Variants in SPRY3 observed in about 807,000 individuals in gnomAD.
SPRY3 encodes the protein sprouty RTK signaling antagonist 3, also known as protein sprouty homolog 3.
A neutral mutation model predicts 20.2 loss-of-function variants in SPRY3; 15 were observed. The ratio of observed to expected loss-of-function variants is 0.74; its 90% CI spans 0.50 to 1.14. The LOEUF (loss-of-function observed/expected upper bound fraction) is 1.14. SPRY3 is among the 50% of genes most tolerant of loss of function. The probability of loss-of-function intolerance (pLI) is 0.00; values close to 1 mark genes in which losing one functional copy is unlikely to be tolerated. For missense variants in SPRY3, 364 were observed against 363.9 expected (o/e 1.00, Z 0.00); for synonymous variants, 143 against 136.5 (o/e 1.05, Z -0.33).
intron 2 of SPRY3, among the ~76,000 whole-genome samples, chrX:155,711,217 G>C (rs763433639): frequency 6.6e-6 from 1 of 151,638 alleles, no homozygotes; most frequent in African/African-American, 2.4e-5. Flanking sequence ...TTTTAAAATA[G>C]TTTGAGTAGG....
chrX:155,661,477 G>A (rs2068009670), intron 2 of SPRY3, among the ~76,000 whole-genome samples: 1 of 111,226 alleles, frequency 9.0e-6, no homozygotes, highest in South Asian at 3.7e-4. Context: ...CTTTCACTTT[G>A]ACTTTGGCTA....
chrX:155,740,694 G>A lies in SPRY3; in HGVS notation c.-281-27268G>A, dbSNP rs754260861. On this transcript the variant is annotated intron_variant, in intron 2 of 3. Transcript: ENST00000675360. ...AAGATGTTTATCAAGACAATAATAC[G>A]TGCACAGCTGAACATAGACCCTTAT... Among the ~76,000 whole-genome samples, 9 of 152,206 alleles carry A rather than the reference G, an allele frequency of 5.9e-5. No individual in the cohort carries two copies. The South Asian group carries it at 6.2e-4, about 11-fold the overall frequency.
At chrX:155,767,720 A>AAGGAGGAGGAGGAGAG (rs2091345512) in intron 2 of SPRY3, 4 of 64,458 alleles carry the variant, frequency 6.2e-5, no homozygotes, top group African/African-American at 1.9e-4. Context: ...GAGGAGGAGA[A>AAGGAGGAGGAGGAGAG]AGAGGAGGAG....
chrX:155,757,828 A>G (rs1260354469), intron 2 of SPRY3, among the ~76,000 whole-genome samples: 2 of 152,180 alleles, frequency 1.3e-5, no homozygotes, highest in Non-Finnish European at 2.9e-5. Flanking sequence ...CAAATTTACT[A>G]GTAATTCCAA....
At chrX:155,723,400 CA>C (rs1337163719) in intron 2 of SPRY3, among the ~76,000 whole-genome samples, 3 of 152,160 alleles carry the variant, frequency 2.0e-5, no homozygotes, top group African/African-American at 7.2e-5. Flanking sequence ...CTCCCACCAA[CA>C]GTATAAAAGC....
chrX:155,721,516 C>T (rs2091057740), intron 2 of SPRY3, among the ~76,000 whole-genome samples: 1 of 151,762 alleles, frequency 6.6e-6, no homozygotes, highest in South Asian at 2.1e-4. Flanking sequence ...AATCAAACTC[C>T]CAAAGGTCAA....
At chrX:155,774,487 T>C (rs2091408367) in exon 4 of SPRY3, 1 of 1,614,016 alleles carries the variant, frequency 6.2e-7, no homozygotes, top group Non-Finnish European at 8.5e-7. Flanking sequence ...TGAAGACAAC[T>C]GTGCTGATGA....
chrX:155,679,040 C>T (rs189626042), intron 2 of SPRY3, among the ~76,000 whole-genome samples: 6 of 110,280 alleles, frequency 5.4e-5, no homozygotes. Context: ...CACACCAGGG[C>T]CTGTAGGGGC....
intron 1 of SPRY3, among the ~76,000 whole-genome samples, chrX:155,638,744 A>C (rs1005663682): frequency 1.2e-4 from 13 of 111,345 alleles, no homozygotes; most frequent in Non-Finnish European, 1.9e-5. Flanking sequence ...TCAATACGAT[A>C]GTGCTAGATA....
At chrX:155,665,244 A>G (rs2068021151) in intron 2 of SPRY3, among the ~76,000 whole-genome samples, 1 of 110,843 alleles carries the variant, frequency 9.0e-6, no homozygotes, top group African/African-American at 3.3e-5. Context: ...GGGAGAAATG[A>G]GGAGAAATAG....
At chrX:155,635,319 C>T (rs2067919791) in intron 1 of SPRY3, among the ~76,000 whole-genome samples, 1 of 111,137 alleles carries the variant, frequency 9.0e-6, no homozygotes, top group Admixed American at 9.5e-5. Context: ...CAAGTCTTTG[C>T]TATTGTGAAC....
intron 2 of SPRY3, among the ~76,000 whole-genome samples, chrX:155,674,090 T>C (rs2068052346): frequency 8.9e-6 from 1 of 111,738 alleles, no homozygotes; most frequent in Non-Finnish European, 1.9e-5. Context: ...CCAGAGTTAA[T>C]TTTGTACGGT....
At chrX:155,782,084 G>A in exon 2 of SPRY3, 1 of 167,102 alleles carries the variant, frequency 6.0e-6, no homozygotes, top group Middle Eastern at 3.4e-3. Flanking sequence ...TCATTCCCAA[G>A]GCTGGTCCTG....
intron 2 of SPRY3, among the ~76,000 whole-genome samples, chrX:155,732,223 A>T (rs926976104): frequency 5.3e-5 from 8 of 152,084 alleles, no homozygotes; most frequent in Non-Finnish European, 1.0e-4. Context: ...TTTTATTTTT[A>T]CATTGCAAAT....
chrX:155,771,613 A>G (rs2091382272), intron 3 of SPRY3, among the ~76,000 whole-genome samples: 1 of 151,836 alleles, frequency 6.6e-6, no homozygotes, highest in South Asian at 2.1e-4. Flanking sequence ...TTGTCAAAAG[A>G]CTCCTCCCAG....
intron 1 of SPRY3, among the ~76,000 whole-genome samples, chrX:155,628,527 T>G (rs1232187141): frequency 8.9e-6 from 1 of 112,040 alleles, no homozygotes; most frequent in Admixed American, 9.4e-5. Context: ...GAACAGACAC[T>G]TCTCAAAAGG....
intron 2 of SPRY3, among the ~76,000 whole-genome samples, chrX:155,715,934 C>G (rs760442027): frequency 6.6e-6 from 1 of 152,270 alleles, no homozygotes; most frequent in East Asian, 1.9e-4. Context: ...TGGCCACTGC[C>G]AGGGGATGGA....
At chrX:155,752,511 C>A (rs1287726826) in intron 2 of SPRY3, among the ~76,000 whole-genome samples, 3 of 151,294 alleles carry the variant, frequency 2.0e-5, no homozygotes, top group African/African-American at 7.3e-5. Context: ...GGTTTAATGT[C>A]TTGATATATA....
intron 2 of SPRY3, among the ~76,000 whole-genome samples, chrX:155,750,862 G>T (rs1405239616): frequency 6.6e-6 from 1 of 151,864 alleles, no homozygotes; most frequent in Non-Finnish European, 1.5e-5. Context: ...TACCAAACCA[G>T]TTAACATGGA....
Sources: allele counts gnomAD v4.1 joint callset (sites outside exome capture counted in the v4.1 genomes callset), GRCh38; gene constraint gnomAD v4.1.1; transcripts MANE v1.5; gene names NCBI Gene and HGNC (gene_info 2026-07-23, HGNC 2026-07-21).